Variants in LRRC4C observed in about 807,000 individuals in gnomAD.
LRRC4C encodes the protein leucine rich repeat containing 4C.
LRRC4C carries 5 observed loss-of-function variants against 33.6 expected under a neutral mutation model. That is an observed-to-expected ratio of 0.15 (90% CI 0.08 to 0.31). The LOEUF is 0.31. Ranked by LOEUF, LRRC4C falls within the 10% of genes least tolerant of loss-of-function variation. The pLI is 1.00. For missense variants in LRRC4C, 560 were observed against 796.7 expected (o/e 0.70, Z 3.58); for synonymous variants, 329 against 302.0 (o/e 1.09, Z -0.93).
chr11:40,142,898 ACT>A (rs1193608381), intron 5 of LRRC4C, among the ~76,000 whole-genome samples: 1 of 151,676 alleles, frequency 6.6e-6, no homozygotes, highest in Non-Finnish European at 1.5e-5. Context: ...CTACAGTCAA[ACT>A]CTTCATTTTG....
chr11:40,302,899 A>G (rs1218180735), intron 4 of LRRC4C, among the ~76,000 whole-genome samples: 2 of 152,210 alleles, frequency 1.3e-5, no homozygotes, highest in Non-Finnish European at 2.9e-5. Context: ...TCTGACATTC[A>G]TTGTTTGTGC....
At chr11:40,472,179 C>T (rs1452210036) in intron 3 of LRRC4C, among the ~76,000 whole-genome samples, 1 of 151,892 alleles carries the variant, frequency 6.6e-6, no homozygotes. Flanking sequence ...ACTTGGGAGG[C>T]TGAGGCAGGA....
At chr11:40,236,120 G>T (rs1364406970) in intron 5 of LRRC4C, among the ~76,000 whole-genome samples, 2 of 151,666 alleles carry the variant, frequency 1.3e-5, no homozygotes, top group East Asian at 1.9e-4. Flanking sequence ...CTACCACAAG[G>T]CCACTGCTCC....
chr11:41,376,840 G>T (rs1000973905), intron 1 of LRRC4C, among the ~76,000 whole-genome samples: 3 of 145,700 alleles, frequency 2.1e-5, no homozygotes, highest in African/African-American at 7.3e-5. Flanking sequence ...AAAGAAAATA[G>T]ATAGATACAC....
chr11:41,268,203 G>A (rs544244742), intron 1 of LRRC4C, among the ~76,000 whole-genome samples: 1 of 152,154 alleles, frequency 6.6e-6, no homozygotes, highest in Admixed American at 6.6e-5. Flanking sequence ...AGTTCTGCTG[G>A]GGGCCTGCCA....
chr11:40,773,883 C>T (rs1437913843), intron 2 of LRRC4C, among the ~76,000 whole-genome samples: 1 of 151,754 alleles, frequency 6.6e-6, no homozygotes, highest in Non-Finnish European at 1.5e-5. Flanking sequence ...TAAAATTAAC[C>T]ATTTCAAAGT....
At chr11:41,267,854 T>A (rs1949200644) in intron 1 of LRRC4C, among the ~76,000 whole-genome samples, 1 of 152,098 alleles carries the variant, frequency 6.6e-6, no homozygotes, top group African/African-American at 2.4e-5. Context: ...ATGCCTGAAA[T>A]GTAAGTAAAT....
At chr11:40,529,821 G>A (rs1956201703) in intron 3 of LRRC4C, among the ~76,000 whole-genome samples, 1 of 152,048 alleles carries the variant, frequency 6.6e-6, no homozygotes, top group Non-Finnish European at 1.5e-5. Context: ...CCTCATTAAA[G>A]AAAAAGATTC....
chr11:40,863,412 C>T (rs918438836), intron 2 of LRRC4C, among the ~76,000 whole-genome samples: 6 of 152,168 alleles, frequency 3.9e-5, no homozygotes, highest in Non-Finnish European at 8.8e-5. Context: ...ATGTTTATTA[C>T]TCAACCACTT....
At chr11:40,881,946 T>C (rs1430180485) in intron 2 of LRRC4C, among the ~76,000 whole-genome samples, 1 of 152,134 alleles carries the variant, frequency 6.6e-6, no homozygotes, top group Non-Finnish European at 1.5e-5. Flanking sequence ...GCTTCCAGTC[T>C]TACTTCTTCC....
At chr11:41,437,929 G>A (rs1010018039) in intron 1 of LRRC4C, among the ~76,000 whole-genome samples, 2 of 151,974 alleles carry the variant, frequency 1.3e-5, no homozygotes, top group Admixed American at 1.3e-4. Flanking sequence ...TTCCAGCCAT[G>A]TGGGAGGCTG....
At chr11:40,408,395 A>G (rs1370598321) in intron 3 of LRRC4C, among the ~76,000 whole-genome samples, 5 of 152,010 alleles carry the variant, frequency 3.3e-5, no homozygotes, top group Non-Finnish European at 7.4e-5. Flanking sequence ...TAACACATTT[A>G]GAAGCAGTTT....
intron 2 of LRRC4C, among the ~76,000 whole-genome samples, chr11:40,699,214 A>G (rs377167562): frequency 6.6e-6 from 1 of 152,238 alleles, no homozygotes; most frequent in Admixed American, 6.5e-5. Context: ...TATAAGGAAT[A>G]TGTAGCGAAT....
intron 5 of LRRC4C, among the ~76,000 whole-genome samples, chr11:40,194,291 G>A (rs1397931083): frequency 6.6e-6 from 1 of 152,096 alleles, no homozygotes; most frequent in Non-Finnish European, 1.5e-5. Context: ...AAGAGAGTGG[G>A]GGCCAATATT....
intron 3 of LRRC4C, among the ~76,000 whole-genome samples, chr11:40,542,308 G>A (rs1956751892): frequency 6.6e-6 from 1 of 151,994 alleles, no homozygotes; most frequent in Admixed American, 6.6e-5. Flanking sequence ...ATTTTTTCAT[G>A]GGATTTTATG....
At chr11:40,836,459 T>C (rs1262624513) in intron 2 of LRRC4C, among the ~76,000 whole-genome samples, 1 of 152,228 alleles carries the variant, frequency 6.6e-6, no homozygotes, top group Non-Finnish European at 1.5e-5. Context: ...AAGAAAGTTA[T>C]AGAATTGATC....
At chr11:41,052,278 C>T (rs893548317) in intron 1 of LRRC4C, among the ~76,000 whole-genome samples, 2 of 152,102 alleles carry the variant, frequency 1.3e-5, no homozygotes, top group Admixed American at 6.6e-5. Flanking sequence ...GGAAGAGATA[C>T]AAGTCCTTCA....
chr11:41,440,627 T>C (rs1955586617), intron 1 of LRRC4C, among the ~76,000 whole-genome samples: 1 of 152,162 alleles, frequency 6.6e-6, no homozygotes, highest in Non-Finnish European at 1.5e-5. Context: ...TTTGGTTCTA[T>C]GTCCCCACCG....
intron 1 of LRRC4C, among the ~76,000 whole-genome samples, chr11:41,059,598 C>T (rs1223027094): frequency 6.6e-6 from 1 of 152,050 alleles, no homozygotes; most frequent in African/African-American, 2.4e-5. Context: ...TTTCTTTTTA[C>T]ACCTTTTAGA....
Sources: allele counts gnomAD v4.1 joint callset (sites outside exome capture counted in the v4.1 genomes callset), GRCh38; gene constraint gnomAD v4.1.1; transcripts MANE v1.5; gene names NCBI Gene and HGNC (gene_info 2026-07-23, HGNC 2026-07-21).